ASAH1: variants seen among roughly 807,000 people sequenced by gnomAD.
The protein encoded by ASAH1 is N-acylsphingosine amidohydrolase 1, also known as acid ceramidase.
A neutral mutation model predicts 59.5 loss-of-function variants in ASAH1; 70 were observed. That is an observed-to-expected ratio of 1.18 (90% CI 0.97 to 1.43). ASAH1 has a LOEUF of 1.43. Ranked by LOEUF, ASAH1 falls within the 40% of genes most tolerant of loss-of-function variation. ASAH1 has a pLI of 0.00. For synonymous variants in ASAH1, 213 were observed against 166.5 expected (o/e 1.28, Z -2.15); for missense variants, 660 against 482.5 (o/e 1.37, Z -3.45).
At chr8:18,083,872 C>G in intron 1 of ASAH1, 109 bp downstream of exon 1, 2 of 1,524,228 alleles carry the variant, frequency 1.3e-6, no homozygotes, top group Non-Finnish European at 1.8e-6. Flanking sequence ...CGTAAAGAAG[C>G]TGCCCAGCAC....
chr8:18,083,862 C>A (rs1490577668), intron 1 of ASAH1, 119 bp downstream of exon 1: 1 of 1,519,560 alleles, frequency 6.6e-7, no homozygotes, highest in Non-Finnish European at 8.8e-7. Flanking sequence ...CACAGACCCC[C>A]GTAAAGAAGC....
In ASAH1 at chr8:18,063,270, A is replaced by C. The variant is rs762139440; in HGVS notation, c.458-40T>G. On this transcript the variant is annotated intron_variant, in intron 6 of 13. Transcript: ENST00000637790. Reference sequence around the variant, plus strand: ...ACAGAAGAGACGTGTAATAGCAGTTAAGATTCTAAATCAAAGCTGGACAAT... The same window carrying C: ...ACAGAAGAGACGTGTAATAGCAGTTCAGATTCTAAATCAAAGCTGGACAAT... The C allele has an allele frequency of 2.6e-6, 4 of 1,526,680 alleles. No individual in the cohort carries two copies. In the East Asian group the frequency reaches 9.0e-5, roughly 34 times the overall value. 94.6% of individuals were successfully genotyped at this position (1,526,680 alleles called of 1,614,324 possible).
chr8:18,062,485 G>C, intron 7 of ASAH1, 62 bp from the exon 8 acceptor site: 1 of 1,578,468 alleles, frequency 6.3e-7, no homozygotes, highest in South Asian at 1.1e-5. Context: ...TCAACATGAT[G>C]ATGAGGGCCA....
intron 1 of ASAH1, among the ~76,000 whole-genome samples, chr8:18,079,202 G>A (rs1292890825): frequency 1.3e-5 from 2 of 151,594 alleles, no homozygotes; most frequent in Non-Finnish European, 2.9e-5. Context: ...GAAGCCGGGA[G>A]GTGGAAGTTG....
In ASAH1 at chr8:18,067,646, A is replaced by C. The variant is rs12155885; in HGVS notation, c.304-348T>G. The C allele has an allele frequency of 9.5e-3, 1,502 of 157,908 alleles. 18 individuals are homozygous for C. Among genetic ancestry groups the C allele is most frequent in the Non-Finnish European group, 0.012 (885 of 73,048 alleles). 9.8% of individuals were successfully genotyped at this position (157,908 alleles called of 1,614,324 possible). A position where few individuals can be genotyped will look rare whatever the true frequency, so the allele number is the denominator to read the frequency against. Reference sequence around the variant, plus strand: ...ACCTGACCCACACCACAAAAACATCATAACAAGCACTCCTTATCTCTCTGC... The same window carrying C: ...ACCTGACCCACACCACAAAAACATCCTAACAAGCACTCCTTATCTCTCTGC... On this transcript the variant is annotated intron_variant, in intron 4 of 13. Coordinates refer to ENST00000637790, the MANE Select transcript of ASAH1 (RefSeq NM_177924.5).
At chr8:18,081,219 C>A (rs545041962) in intron 1 of ASAH1, among the ~76,000 whole-genome samples, 10 of 152,166 alleles carry the variant, frequency 6.6e-5, no homozygotes, top group African/African-American at 2.4e-4. Context: ...TGACACCTCA[C>A]TCCCTCATCC....
At chr8:18,074,469 G>A (rs1427409584) in intron 2 of ASAH1, among the ~76,000 whole-genome samples, 3 of 152,164 alleles carry the variant, frequency 2.0e-5, no homozygotes, top group Admixed American at 1.3e-4. Context: ...ACAGTACAAC[G>A]TAAGTAATTT....
chr8:18,058,429 A>T (rs1471197114), intron 13 of ASAH1: 1 of 182,606 alleles, frequency 5.5e-6, no homozygotes, highest in Non-Finnish European at 1.1e-5. Context: ...CAGTGTAGGG[A>T]AAAGATAAAC....
intron 13 of ASAH1, chr8:18,057,835 A>G (rs952586130): frequency 5.5e-6 from 1 of 182,018 alleles, no homozygotes; most frequent in Non-Finnish European, 1.1e-5. Context: ...CCAAATAACT[A>G]AAGCAAACAA....
chr8:18,068,395 C>G (rs1800019801), intron 4 of ASAH1: 1 of 152,322 alleles, frequency 6.6e-6, no homozygotes, highest in South Asian at 2.1e-4. Flanking sequence ...CTCTTTTGCT[C>G]CTGCCAGCAT....
rs1231143555 is a variant in ASAH1 at position 18,062,319 on chromosome 8, C to T, written c.608G>A (p.Ser203Asn). 1.2e-6 allele frequency: 2 copies of T among 1,614,216 alleles called. No individual in the cohort carries two copies. The highest frequency in any genetic ancestry group is 1.7e-6 in the Non-Finnish European group (2 of 1,180,026). The part of the protein sequence containing the change: ...RNNKTVFKAS[S>N]FAGYVGMLTG... ...TAACATGCCCACATAGCCAGCAAAG[C>T]TTGAAGCCTTGAAGACAGTTTTGTT... The change falls in exon 8 of 14, where the codon AGC becomes AAC. Residue 203 changes from serine to asparagine, a missense_variant. Ser to Asn is a conservative substitution (Grantham distance 46). Coordinates refer to ENST00000637790, the MANE Select transcript of ASAH1 (RefSeq NM_177924.5).
At chr8:18,080,485 T>C (rs1213102397) in intron 1 of ASAH1, among the ~76,000 whole-genome samples, 2 of 152,084 alleles carry the variant, frequency 1.3e-5, no homozygotes, top group African/African-American at 2.4e-5. Flanking sequence ...ACCACTGACA[T>C]CTCAATAATA....
At chr8:18,064,434 A>G in intron 6 of ASAH1, 23 bp downstream of exon 6, 363 of 1,193,276 alleles carry the variant, frequency 3.0e-4, no homozygotes, top group Non-Finnish European at 4.1e-4. Flanking sequence ...CATGCTGCCC[A>G]CCCTCCCTCA....
At chr8:18,064,234 G>T in intron 6 of ASAH1, 1 of 584,824 alleles carries the variant, frequency 1.7e-6, no homozygotes, top group South Asian at 2.2e-5. Context: ...TTTCTTCCAG[G>T]TTTTTTGCAT....
intron 13 of ASAH1, 154 bp from the exon 14 acceptor site, chr8:18,057,777 ATATT>A (rs1799533163): frequency 7.5e-6 from 2 of 266,522 alleles, no homozygotes; most frequent in African/African-American, 4.4e-5. Context: ...TATAATGTAT[ATATT>A]TATATTAATA....
intron 1 of ASAH1, among the ~76,000 whole-genome samples, chr8:18,081,884 A>T (rs113811388): frequency 0.031 from 4,749 of 152,252 alleles, 112 homozygotes; most frequent in South Asian, 0.056. Flanking sequence ...CAGTGCATGG[A>T]TCCCAGGATT....
Position 18,058,730 on chromosome 8 carries a change from A to C in ASAH1, c.1098+105T>G, listed in dbSNP as rs1357621997. ...TTAATAAAAAATCAGTCCTAAGCTG[A>C]ACACACCTTTTGTGCTCAAACTGAT... On this transcript the variant is annotated intron_variant, in intron 13 of 13. Coordinates refer to ENST00000637790, the MANE Select transcript of ASAH1 (RefSeq NM_177924.5). 2.3e-5 allele frequency: 24 copies of C among 1,051,180 alleles called. No homozygotes were observed. The Admixed American group carries it at 4.0e-4, about 17-fold the overall frequency. The allele number at this position is 1,051,180 out of a possible 1,614,324, so 65.1% of individuals were successfully genotyped here.
upstream of ASAH1, chr8:18,084,417 T>C: frequency 7.3e-7 from 1 of 1,377,764 alleles, no homozygotes; most frequent in Non-Finnish European, 9.4e-7. Flanking sequence ...CCGTGGCGCC[T>C]CGATGGGGCG....
chr8:18,059,431 T>C lies in ASAH1; in HGVS notation c.951A>G (p.Val317=). 4 of 1,614,230 alleles carry C rather than the reference T, an allele frequency of 2.5e-6. No individual in the cohort carries two copies. Among genetic ancestry groups the C allele is most frequent in the Non-Finnish European group, 3.4e-6 (4 of 1,180,042 alleles). Residue 317 remains valine, a synonymous_variant, in exon 12 of 14, where the codon GTA becomes GTG. Transcript: ENST00000637790. Reference sequence around the variant, plus strand: ...GTTTCCAACGGTCATAATTTGTTTGTACCACATACCATCTACCCTGCTTAG... The same window carrying C: ...GTTTCCAACGGTCATAATTTGTTTGCACCACATACCATCTACCCTGCTTAG... ...LDAKQGRWYV[V]QTNYDRWKHP...
Sources: gnomAD v4.1 joint callset for allele counts (sites outside exome capture counted in the v4.1 genomes callset) on GRCh38, gnomAD v4.1.1 for gene constraint, MANE v1.5 for transcripts, NCBI Gene and HGNC (gene_info 2026-07-23, HGNC 2026-07-21) for gene names.